Variants in RNF112 observed in about 807,000 individuals in gnomAD.
RNF112 encodes the protein brain finger protein.
In RNF112, 34 loss-of-function variants were observed where a neutral mutation model predicts 64.7. The ratio of observed to expected loss-of-function variants is 0.53; its 90% CI spans 0.40 to 0.70. The LOEUF is 0.70. RNF112 is among the 30% of genes least tolerant of loss of function. RNF112 has a pLI of 0.00. For synonymous variants in RNF112, 345 were observed against 344.5 expected, an observed-to-expected ratio of 1.00 and a Z score of -0.02; for missense variants, 734 against 850.0, an observed-to-expected ratio of 0.86 and a Z score of 1.70.
At chr17:19,411,598 C>G in intron 1 of RNF112, 32 bp from the exon 2 acceptor site, 1 of 1,473,498 alleles carries the variant, frequency 6.8e-7, no homozygotes, top group Non-Finnish European at 9.2e-7. Flanking sequence ...GGATTATGTT[C>G]TAAATCTTTT....
In RNF112 at chr17:19,415,730, C is replaced by G. The variant is rs774093121; in HGVS notation, c.1451C>G (p.Ser484Cys). The G allele has an allele frequency of 6.2e-7, 1 of 1,611,980 alleles. No individual in the cohort carries two copies. Among genetic ancestry groups the G allele is most frequent in the South Asian group, 1.1e-5 (1 of 90,930 alleles). ...GACGTAGCCACCAAGCGCATATTCT[C>G]TGCGCTGCGGGTCCTGCCAGACACC... Reference protein sequence around the residue: ...QQDVATKRIFSALRVLPDTMR... With the variant: ...QQDVATKRIFCALRVLPDTMR... The change falls in exon 14 of 14, where the codon TCT becomes TGT. Residue 484 changes from serine to cysteine, a missense_variant. Coordinates refer to ENST00000461366, the MANE Select transcript of RNF112 (RefSeq NM_007148.5). The surrounding 1 kb of genome is among the most constrained non-coding windows in gnomAD (Gnocchi z 7.8).
At position 19,413,199 on chromosome 17, in the gene RNF112, CT is replaced by C; in HGVS notation, c.588+56del. 1 of 1,596,002 alleles carries C rather than the reference CT, an allele frequency of 6.3e-7. No homozygotes were observed. Among genetic ancestry groups the C allele is most frequent in the South Asian group, 1.1e-5 (1 of 88,830 alleles). On this transcript the variant is annotated intron_variant, in intron 4 of 13. Coordinates refer to ENST00000461366, the MANE Select transcript of RNF112 (RefSeq NM_007148.5). This position sits in a 1 kb window ranked among gnomAD's most constrained non-coding sequence, Gnocchi z 5.9. Reference sequence around the variant, plus strand: ...GGGGAGCAAGGATGGGGGTTCCTGCCTGGGGGAAGCTGGGTCTGGTATTCCG... The same window carrying C: ...GGGGAGCAAGGATGGGGGTTCCTGCCGGGGGAAGCTGGGTCTGGTATTCCG...
Position 19,412,719 on chromosome 17 carries a change from G to T in RNF112, c.317G>T (p.Gly106Val). ...ECRKICKQKRGLRSLGEKMKL... is the reference protein window; with the variant it reads ...ECRKICKQKRVLRSLGEKMKL... ...CGGAAGATATGCAAGCAGAAGAGGG[G>T]CCTCCGGAGCCTGGGCGAGAAGATG... The change falls in exon 3 of 14, where the codon GGC becomes GTC. Residue 106 changes from glycine to valine, a missense_variant. Transcript: ENST00000461366. The surrounding 1 kb of genome is among the most constrained non-coding windows in gnomAD (Gnocchi z 5.1). 1 of 1,613,156 alleles carries T rather than the reference G, an allele frequency of 6.2e-7. No individual in the cohort carries two copies. Among genetic ancestry groups the T allele is most frequent in the Non-Finnish European group, 8.5e-7 (1 of 1,179,806 alleles).
In RNF112 at chr17:19,413,749, C is replaced by T. The variant is rs1913765088; in HGVS notation, c.825+68C>T. ...CTTCTCCAGCTCAGCTTCCTCAAGG[C>T]CAGAGCATCTCACAGGCTTTGGTGT... On this transcript the variant is annotated intron_variant, in intron 6 of 13. Transcript: ENST00000461366. This position sits in a 1 kb window ranked among gnomAD's most constrained non-coding sequence, Gnocchi z 5.9. The T allele has an allele frequency of 8.3e-7, 1 of 1,211,656 alleles. No homozygotes were observed. The highest frequency in any genetic ancestry group is 1.2e-6 in the Non-Finnish European group (1 of 858,374). The allele number at this position is 1,211,656 out of a possible 1,614,324, so 75.1% of individuals were successfully genotyped here.
intron 2 of RNF112, chr17:19,411,969 G>T (rs949713341): frequency 1.1e-5 from 6 of 528,666 alleles, no homozygotes; most frequent in Admixed American, 3.4e-5. Context: ...GTTGTGGAGG[G>T]TATCATCCCT....
Position 19,412,879 on chromosome 17 carries a change from A to C in RNF112, c.382-59A>C. ...GGACACAGAGCTCCAGGCTGAACAC[A>C]TTCCAGGGTCAGGAGCTGGTCCTGG... is the stretch of plus-strand genomic sequence containing the variant. On this transcript the variant is annotated intron_variant, in intron 3 of 13. Transcript: ENST00000461366. This position sits in a 1 kb window ranked among gnomAD's most constrained non-coding sequence, Gnocchi z 5.1. The C allele has an allele frequency of 6.4e-7, 1 of 1,568,718 alleles. No individual in the cohort carries two copies. Among genetic ancestry groups the C allele is most frequent in the Non-Finnish European group, 8.6e-7 (1 of 1,158,900 alleles).
In RNF112 at chr17:19,416,012, A is replaced by G; in HGVS notation, c.1733A>G (p.Glu578Gly). 1 of 1,548,516 alleles carries G rather than the reference A, an allele frequency of 6.5e-7. No individual in the cohort carries two copies. The highest frequency in any genetic ancestry group is 8.7e-7 in the Non-Finnish European group (1 of 1,148,552). ...ATGGCAGCAGCTGCACTGGCTGCAG[A>G]GGCTGGGATGGTGGCTGCTGGAGCT... ...AGMAAAALAAEAGMVAAGAAV... is the reference protein window; with the variant it reads ...AGMAAAALAAGAGMVAAGAAV... Residue 578 changes from glutamate (E) to glycine (G), a missense_variant, in exon 14 of 14, where the codon GAG (glutamate) becomes GGG (glycine). Physicochemically the swap from Glu to Gly is moderately conservative, Grantham distance 98 (BLOSUM62 -2). Transcript: ENST00000461366.
chr17:19,414,755 C>T lies in RNF112; in HGVS notation c.1009-15C>T. 6.2e-7 allele frequency: 1 copy of T among 1,612,828 alleles called. No individual in the cohort carries two copies. Among genetic ancestry groups the T allele is most frequent in the Non-Finnish European group, 8.5e-7 (1 of 1,179,654 alleles). On this transcript the variant is annotated splice_polypyrimidine_tract_variant and intron_variant, in intron 9 of 13. Coordinates refer to ENST00000461366, the MANE Select transcript of RNF112 (RefSeq NM_007148.5). ...GGACCTCCTAGCTCAGAGCACTCCTCTCGCTGCCTCACAGAGATTGTCTGG... is the reference window on the plus strand; with the variant it reads ...GGACCTCCTAGCTCAGAGCACTCCTTTCGCTGCCTCACAGAGATTGTCTGG...
Position 19,412,651 on chromosome 17 carries a change from A to T in RNF112, c.249A>T (p.Thr83=). ...GHDFCIRCFS[T]HRLPGCEPPC... is the part of the protein sequence containing the mutation. ...ACTTCTGCATACGGTGCTTCAGCACACACCGTCTCCCGGGCTGTGAGCCGC... is the reference window on the plus strand; with the variant it reads ...ACTTCTGCATACGGTGCTTCAGCACTCACCGTCTCCCGGGCTGTGAGCCGC... The change falls in exon 3 of 14, where the codon ACA becomes ACT. Residue 83 remains threonine (T), a synonymous_variant. Coordinates refer to ENST00000461366, the MANE Select transcript of RNF112 (RefSeq NM_007148.5). This position sits in a 1 kb window ranked among gnomAD's most constrained non-coding sequence, Gnocchi z 5.1. The T allele has an allele frequency of 6.2e-7, 1 of 1,613,468 alleles. No individual in the cohort carries two copies. Among genetic ancestry groups the T allele is most frequent in the Middle Eastern group, 1.6e-4 (1 of 6,062 alleles).
Position 19,412,498 on chromosome 17 carries a change from G to C in RNF112, c.96G>C (p.Trp32Cys). Reference sequence around the variant, plus strand: ...TTCAATGGCCTGTTTTGCCCCACAGGTCCCATACACCTTTCCCCAAGTTGG... The same window carrying C: ...TTCAATGGCCTGTTTTGCCCCACAGCTCCCATACACCTTTCCCCAAGTTGG... ...QSFMGNSGNS[W>C]SHTPFPKLEL... The change falls in exon 3 of 14, where the codon TGG becomes TGC. Residue 32 changes from tryptophan to cysteine, a missense_variant and splice_region_variant. Trp to Cys is a radical substitution (Grantham distance 215). Coordinates refer to ENST00000461366, the MANE Select transcript of RNF112 (RefSeq NM_007148.5). The surrounding 1 kb of genome is among the most constrained non-coding windows in gnomAD (Gnocchi z 5.1). 1 of 1,611,116 alleles carries C rather than the reference G, an allele frequency of 6.2e-7. No individual in the cohort carries two copies.
Position 19,412,867 on chromosome 17 carries a change from C to A in RNF112, c.382-71C>A, listed in dbSNP as rs1750283724. On this transcript the variant is annotated intron_variant, in intron 3 of 13. Coordinates refer to ENST00000461366, the MANE Select transcript of RNF112 (RefSeq NM_007148.5). The surrounding 1 kb of genome is among the most constrained non-coding windows in gnomAD (Gnocchi z 5.1). The stretch of plus-strand genomic sequence containing the variant: ...TCTAGAACATCAGGACACAGAGCTC[C>A]AGGCTGAACACATTCCAGGGTCAGG... 1 of 1,574,368 alleles carries A rather than the reference C, an allele frequency of 6.4e-7. No homozygotes were observed. The highest frequency in any genetic ancestry group is 1.4e-5 in the African/African-American group (1 of 73,014).
At position 19,411,247 on chromosome 17, in the gene RNF112, C is replaced by T; in HGVS notation, c.-162C>T. Reference sequence around the variant, plus strand: ...CCTGACTGTCACATTTCTTTTCCAGCTCTGACCGGGAGTCAGCTCCTCGGG... The same window carrying T: ...CCTGACTGTCACATTTCTTTTCCAGTTCTGACCGGGAGTCAGCTCCTCGGG... On this transcript the variant is annotated 5_prime_UTR_variant, in exon 1 of 14. Coordinates refer to ENST00000461366, the MANE Select transcript of RNF112 (RefSeq NM_007148.5). 1.6e-6 allele frequency: 1 copy of T among 640,298 alleles called. No homozygotes were observed. Among genetic ancestry groups the T allele is most frequent in the Non-Finnish European group, 2.7e-6 (1 of 368,120 alleles). 39.7% of individuals were successfully genotyped at this position (640,298 alleles called of 1,614,324 possible). A position where few individuals can be genotyped will look rare whatever the true frequency, so the allele number is the denominator to read the frequency against.
chr17:19,411,401 AG>A lies in RNF112; in HGVS notation c.-7del, dbSNP rs1181211679. 3 of 1,610,974 alleles carry A rather than the reference AG, an allele frequency of 1.9e-6. No individual in the cohort carries two copies. Among genetic ancestry groups the A allele is most frequent in the Non-Finnish European group, 2.5e-6 (3 of 1,179,458 alleles). On this transcript the variant is annotated 5_prime_UTR_variant, in exon 1 of 14. Transcript: ENST00000461366. ...TGCATCCGGACCCTCTCCCCATCCC[AG>A]CCTCCCATGCCAAGGCCCGCCTTGT...
Position 19,416,040 on chromosome 17 carries a change from C to T in RNF112, c.1761C>T (p.Ala587=), listed in dbSNP as rs767990696. 1.1e-5 allele frequency: 17 copies of T among 1,550,096 alleles called. No individual in the cohort carries two copies. Among genetic ancestry groups the T allele is most frequent in the East Asian group, 7.2e-5 (3 of 41,816 alleles). ...AEAGMVAAGA[A]VGATGAAVVG... ...CTGGGATGGTGGCTGCTGGAGCTGCCGTGGGGGCCACAGGGGCCGCTGTGG... is the reference window on the plus strand; with the variant it reads ...CTGGGATGGTGGCTGCTGGAGCTGCTGTGGGGGCCACAGGGGCCGCTGTGG... The change falls in exon 14 of 14, where the codon GCC becomes GCT. Residue 587 remains alanine, a synonymous_variant. Transcript: ENST00000461366.
Position 19,414,881 on chromosome 17 carries a change from C to T in RNF112, c.1120C>T (p.Pro374Ser). The T allele has an allele frequency of 6.2e-7, 1 of 1,613,438 alleles. No individual in the cohort carries two copies. The highest frequency in any genetic ancestry group is 8.5e-7 in the Non-Finnish European group (1 of 1,179,772). ...GCGGATGAACCAAGGCCATGCAAGC[C>T]CTGGTGGTGAGTGTCTCTGAGAGCT... ...RRRMNQGHAS[P>S]GDTDDDFRHL... The change falls in exon 10 of 14, where the codon CCT becomes TCT. Residue 374 changes from proline to serine, a missense_variant. Coordinates refer to ENST00000461366, the MANE Select transcript of RNF112 (RefSeq NM_007148.5).
chr17:19,415,145 C>T lies in RNF112; in HGVS notation c.1234C>T (p.Arg412Cys), dbSNP rs973963599. 5.1e-5 allele frequency: 82 copies of T among 1,609,598 alleles called. No homozygotes were observed. The highest frequency in any genetic ancestry group is 6.7e-5 in the Non-Finnish European group (79 of 1,179,010). ...CTGCCAGGGGTACTGGAACGAGGGG[C>T]GCGCCGTGGCCAGGGGGGACAGACG... ...SRCQGYWNEG[R>C]AVARGDRRLL... Residue 412 changes from arginine (R) to cysteine (C), a missense_variant, in exon 11 of 14, where the codon CGC becomes TGC. Coordinates refer to ENST00000461366, the MANE Select transcript of RNF112 (RefSeq NM_007148.5). The surrounding 1 kb of genome is among the most constrained non-coding windows in gnomAD (Gnocchi z 7.8).
At position 19,415,902 on chromosome 17, in the gene RNF112, G is replaced by A. The variant is rs1913873963; in HGVS notation, c.1623G>A (p.Met541Ile). The A allele has an allele frequency of 4.3e-6, 7 of 1,612,884 alleles. No homozygotes were observed. Among genetic ancestry groups the A allele is most frequent in the Non-Finnish European group, 5.9e-6 (7 of 1,179,676 alleles). ...AGGCCTTCATGGACTCCTACACGAT[G>A]CGCTTCTGTGGCCACCTAGCTGCTG... is the stretch of plus-strand genomic sequence containing the variant. ...TAKAFMDSYT[M>I]RFCGHLAAVG... The change falls in exon 14 of 14, where the codon ATG becomes ATA. Residue 541 changes from methionine (M) to isoleucine (I), a missense_variant. By Grantham distance (10) the Met-to-Ile change is conservative. Coordinates refer to ENST00000461366, the MANE Select transcript of RNF112 (RefSeq NM_007148.5). This position sits in a 1 kb window ranked among gnomAD's most constrained non-coding sequence, Gnocchi z 7.8.
intron 9 of RNF112, 38 bp downstream of exon 9, chr17:19,414,698 A>G (rs1913801873): frequency 6.2e-7 from 1 of 1,610,588 alleles, no homozygotes; most frequent in South Asian, 1.1e-5. Flanking sequence ...GGGGCCATGG[A>G]CAGGGCAGAG....
At position 19,412,995 on chromosome 17, in the gene RNF112, G is replaced by T. The variant is rs756649083; in HGVS notation, c.439G>T (p.Gly147Cys). 1.2e-6 allele frequency: 2 copies of T among 1,610,116 alleles called. No homozygotes were observed. Among genetic ancestry groups the T allele is most frequent in the East Asian group, 2.2e-5 (1 of 44,768 alleles). ...LLLVRINASG[G>C]LILRMGAINR... is the part of the protein sequence containing the mutation. ...GCTGGTTCGCATCAATGCCTCTGGG[G>T]GCCTCATCCTTAGGATGGGGGCCAT... The change falls in exon 4 of 14, where the codon GGC (glycine) becomes TGC (cysteine). Residue 147 changes from glycine (G) to cysteine (C), a missense_variant. By Grantham distance (159) the Gly-to-Cys change is radical (BLOSUM62 -3). Coordinates refer to ENST00000461366, the MANE Select transcript of RNF112 (RefSeq NM_007148.5). This position sits in a 1 kb window ranked among gnomAD's most constrained non-coding sequence, Gnocchi z 5.1.
Sources: allele counts gnomAD v4.1 joint callset, GRCh38; gene constraint gnomAD v4.1.1; non-coding constraint Gnocchi (gnomAD v3.1); transcripts MANE v1.5; gene names NCBI Gene and HGNC (gene_info 2026-07-23, HGNC 2026-07-21).